Variants in NODAL observed in about 807,000 individuals in gnomAD.
The protein encoded by NODAL is nodal homolog.
A neutral mutation model predicts 34.0 loss-of-function variants in NODAL; 12 were observed. That is an observed-to-expected ratio of 0.35 (90% CI 0.23 to 0.57). NODAL has a LOEUF of 0.57. Ranked by LOEUF, NODAL falls within the 20% of genes least tolerant of loss-of-function variation. NODAL has a pLI of 0.83. For synonymous variants in NODAL, 162 were observed against 186.4 expected (o/e 0.87, Z 1.07); for missense variants, 390 against 444.2 (o/e 0.88, Z 1.10).
At chr10:70,436,078 T>G (rs1365240890) in intron 1 of NODAL, 95 bp from the exon 2 acceptor site, 3 of 1,026,638 alleles carry the variant, frequency 2.9e-6, no homozygotes, top group Non-Finnish European at 4.6e-6. Context: ...GCTGGAGGCC[T>G]TACCTTATAT....
In NODAL at chr10:70,432,049, G is replaced by A. The variant is rs553447349; in HGVS notation, c.*887C>T. Among the ~76,000 whole-genome samples the A allele has an allele frequency of 3.7e-4, 57 of 152,334 alleles. 1 individual carries two copies. The highest frequency in any genetic ancestry group is 3.4e-3 in the Middle Eastern group (1 of 294). Reference sequence around the variant, plus strand: ...GACAGTGAATTGCTCACCTGAGGTCGCACAGCTTCCAGTGGCTGAGCTGTG... The same window carrying A: ...GACAGTGAATTGCTCACCTGAGGTCACACAGCTTCCAGTGGCTGAGCTGTG... On this transcript the variant is annotated 3_prime_UTR_variant, in exon 3 of 3. Transcript: ENST00000287139.
chr10:70,432,825 C>A lies in NODAL; in HGVS notation c.*111G>T. ...TCCTCTTCAGTTCTGGTGGGCAGAG[C>A]AACTTTGCCCCTCTCTGTTTCTCCT... is the stretch of plus-strand genomic sequence containing the variant. On this transcript the variant is annotated 3_prime_UTR_variant, in exon 3 of 3. Coordinates refer to ENST00000287139, the MANE Select transcript of NODAL (RefSeq NM_018055.5). 1 of 1,303,954 alleles carries A rather than the reference C, an allele frequency of 7.7e-7. No individual in the cohort carries two copies. Among genetic ancestry groups the A allele is most frequent in the Non-Finnish European group, 1.1e-6 (1 of 906,814 alleles). The allele number at this position is 1,303,954 out of a possible 1,614,324, so 80.8% of individuals were successfully genotyped here.
At chr10:70,442,559 A>C (rs532365494), upstream of NODAL, among the ~76,000 whole-genome samples, 8 of 152,304 alleles carry the variant, frequency 5.3e-5, no homozygotes, top group Admixed American at 5.2e-4. Flanking sequence ...AAGTCAAATC[A>C]GGGCTGGAAT....
chr10:70,443,816 G>A (rs1490203102), upstream of NODAL, among the ~76,000 whole-genome samples: 1 of 151,814 alleles, frequency 6.6e-6, no homozygotes, highest in Non-Finnish European at 1.5e-5. Flanking sequence ...TCCAGCCTGG[G>A]CAACAAGAGT....
upstream of NODAL, among the ~76,000 whole-genome samples, chr10:70,445,415 G>T (rs1008314169): frequency 6.6e-6 from 1 of 151,872 alleles, no homozygotes; most frequent in East Asian, 1.9e-4. Flanking sequence ...CCCCCACCAC[G>T]CCCGGCTAAT....
chr10:70,432,902 G>T lies in NODAL; in HGVS notation c.*34C>A. 1 of 1,611,662 alleles carries T rather than the reference G, an allele frequency of 6.2e-7. No individual in the cohort carries two copies. Among genetic ancestry groups the T allele is most frequent in the Non-Finnish European group, 8.5e-7 (1 of 1,177,842 alleles). On this transcript the variant is annotated 3_prime_UTR_variant, in exon 3 of 3. Coordinates refer to ENST00000287139, the MANE Select transcript of NODAL (RefSeq NM_018055.5). Reference sequence around the variant, plus strand: ...TCCAGGAGTTTCCCAGCCTTCCAGAGTGCAGGCAAATCCAGTCTCCCTCCA... The same window carrying T: ...TCCAGGAGTTTCCCAGCCTTCCAGATTGCAGGCAAATCCAGTCTCCCTCCA...
chr10:70,440,425 G>A (rs1845412666), intron 1 of NODAL, among the ~76,000 whole-genome samples: 1 of 152,208 alleles, frequency 6.6e-6, no homozygotes, highest in Non-Finnish European at 1.5e-5. Context: ...AGGGTCACCG[G>A]CTGTCTGACC....
intron 2 of NODAL, among the ~76,000 whole-genome samples, chr10:70,434,453 C>T (rs1845316127): frequency 6.6e-6 from 1 of 152,202 alleles, no homozygotes; most frequent in Non-Finnish European, 1.5e-5. Context: ...ATCTCTGCCT[C>T]CCGGGTTCAA....
At position 70,432,562 on chromosome 10, in the gene NODAL, AC is replaced by A. The variant is rs1845279713; in HGVS notation, c.*373del. The A allele has an allele frequency of 1.5e-5, 5 of 344,732 alleles. 1 individual carries two copies. Among genetic ancestry groups the A allele is most frequent in the Admixed American group, 1.2e-4 (3 of 25,142 alleles). 21.4% of individuals were successfully genotyped at this position (344,732 alleles called of 1,614,324 possible). A position where few individuals can be genotyped will look rare whatever the true frequency, so the allele number is the denominator to read the frequency against. On this transcript the variant is annotated 3_prime_UTR_variant, in exon 3 of 3. Coordinates refer to ENST00000287139, the MANE Select transcript of NODAL (RefSeq NM_018055.5). Reference sequence around the variant, plus strand: ...TGAAAGCTATAGGTGACTTCATCCCACCTCCAAAATACATGCACATATGTCT... The same window carrying A: ...TGAAAGCTATAGGTGACTTCATCCCACTCCAAAATACATGCACATATGTCT...
At position 70,432,903 on chromosome 10, in the gene NODAL, T is replaced by G. The variant is rs1316311674; in HGVS notation, c.*33A>C. ...CCAGGAGTTTCCCAGCCTTCCAGAG[T>G]GCAGGCAAATCCAGTCTCCCTCCAG... On this transcript the variant is annotated 3_prime_UTR_variant, in exon 3 of 3. Coordinates refer to ENST00000287139, the MANE Select transcript of NODAL (RefSeq NM_018055.5). 5.6e-6 allele frequency: 9 copies of G among 1,612,232 alleles called. No homozygotes were observed. Among genetic ancestry groups the G allele is most frequent in the East Asian group, 2.2e-5 (1 of 44,866 alleles).
At position 70,436,467 on chromosome 10, in the gene NODAL, A is replaced by G. The variant is rs1845355216; in HGVS notation, c.194-484T>C. 6 of 220,676 alleles carry G rather than the reference A, an allele frequency of 2.7e-5. No homozygotes were observed. In the South Asian group the frequency reaches 4.4e-4, roughly 16 times the overall value. 13.7% of individuals were successfully genotyped at this position (220,676 alleles called of 1,614,324 possible). A position where few individuals can be genotyped will look rare whatever the true frequency, so the allele number is the denominator to read the frequency against. On this transcript the variant is annotated intron_variant, in intron 1 of 2. Transcript: ENST00000287139. ...TTGCGCCTGTAATCCCAGCCACTCG[A>G]GAATCATTTGAACCCGGGAGGCAGA...
chr10:70,435,860 T>G lies in NODAL; in HGVS notation c.317A>C (p.Glu106Ala). 1 of 1,614,094 alleles carries G rather than the reference T, an allele frequency of 6.2e-7. No individual in the cohort carries two copies. Among genetic ancestry groups the G allele is most frequent in the Non-Finnish European group, 8.5e-7 (1 of 1,180,048 alleles). The change falls in exon 2 of 3, where the codon GAG becomes GCG. Residue 106 changes from glutamate to alanine, a missense_variant. Transcript: ENST00000287139. Reference protein sequence around the residue: ...QLSSPVDLPTEGSLAIEIFHQ... With the variant: ...QLSSPVDLPTAGSLAIEIFHQ... Reference sequence around the variant, plus strand: ...GAAAATCTCAATGGCAAGTGAGCCCTCAGTGGGGAGGTCCACAGGGCTGGA... The same window carrying G: ...GAAAATCTCAATGGCAAGTGAGCCCGCAGTGGGGAGGTCCACAGGGCTGGA...
At chr10:70,434,538 T>C (rs1308288830) in intron 2 of NODAL, among the ~76,000 whole-genome samples, 1 of 152,190 alleles carries the variant, frequency 6.6e-6, no homozygotes, top group Non-Finnish European at 1.5e-5. Flanking sequence ...GATTTTTGTA[T>C]TTTTAGTAGA....
chr10:70,439,669 G>C (rs1845403947), intron 1 of NODAL, among the ~76,000 whole-genome samples: 1 of 152,236 alleles, frequency 6.6e-6, no homozygotes. Flanking sequence ...TGGAAGGAGT[G>C]GGGCCAGGAC....
rs1421137470 is a variant in NODAL, at chr10:70,432,930, A to T, written c.*6T>A. ...CAGGCAAATCCAGTCTCCCTCCAGG[A>T]TGTCATCAGAGGCACCCACATTCTT... On this transcript the variant is annotated 3_prime_UTR_variant, in exon 3 of 3. Transcript: ENST00000287139. 1.9e-6 allele frequency: 3 copies of T among 1,614,072 alleles called. No homozygotes were observed. Among genetic ancestry groups the T allele is most frequent in the Non-Finnish European group, 8.5e-7 (1 of 1,180,002 alleles).
At chr10:70,438,923 G>A (rs1175080739) in intron 1 of NODAL, among the ~76,000 whole-genome samples, 4 of 152,192 alleles carry the variant, frequency 2.6e-5, no homozygotes, top group Non-Finnish European at 5.9e-5. Context: ...GTATGAGGAA[G>A]GGGTTCATGG....
intron 1 of NODAL, among the ~76,000 whole-genome samples, chr10:70,439,239 A>G (rs1845395740): frequency 6.6e-6 from 1 of 152,146 alleles, no homozygotes; most frequent in South Asian, 2.1e-4. Context: ...TCTTGACCTC[A>G]TGATCCGACC....
At chr10:70,447,569 T>C (rs1845501764) in intron 1 of NODAL, among the ~76,000 whole-genome samples, 1 of 151,488 alleles carries the variant, frequency 6.6e-6, no homozygotes, top group Non-Finnish European at 1.5e-5. Context: ...CCCAGCTACT[T>C]GGGAGGCTGA....
In NODAL at chr10:70,433,043, AACAAGTG is replaced by A. The variant is rs768705222; in HGVS notation, c.930_936del (p.Thr311ValfsTer4). 6.2e-7 allele frequency: 1 copy of A among 1,613,902 alleles called. No individual in the cohort carries two copies. Among genetic ancestry groups the A allele is most frequent in the Admixed American group, 1.7e-5 (1 of 59,982 alleles). On this transcript the variant is annotated frameshift_variant, in exon 3 of 3. Transcript: ENST00000287139. LOFTEE classifies it high-confidence loss of function. ...AGCGGCTTGGTCTTCACTGGGGCAC[AACAAGTG>A]GAAGGGACTCGGTGGGGCTGGTAAC...
Sources: allele counts gnomAD v4.1 joint callset (sites outside exome capture counted in the v4.1 genomes callset), GRCh38; gene constraint gnomAD v4.1.1; transcripts MANE v1.5; gene names NCBI Gene and HGNC (gene_info 2026-07-23, HGNC 2026-07-21).